OCA2: variants seen among roughly 807,000 people sequenced by gnomAD.
OCA2 encodes OCA2 melanosomal transmembrane protein, also known as P protein.
In OCA2, 77 loss-of-function variants were observed where a neutral mutation model predicts 100.2. That is an observed-to-expected ratio of 0.77 (90% CI 0.64 to 0.93). The LOEUF is 0.93. OCA2 is among the 40% of genes least tolerant of loss of function. The pLI is 0.00. For synonymous variants in OCA2, 432 were observed against 439.2 expected, an observed-to-expected ratio of 0.98 and a Z score of 0.21; for missense variants, 1,062 against 1,089.1, an observed-to-expected ratio of 0.98 and a Z score of 0.35.
chr15:27,743,196 C>A, the OCA2 span, among the ~76,000 whole-genome samples: 1 of 152,150 alleles, frequency 6.6e-6, no homozygotes, highest in African/African-American at 2.4e-5. Context: ...GGCTGCCCGG[C>A]CACCCAGGGC....
At chr15:27,778,984 T>C (rs1336915846) in intron 23 of OCA2, among the ~76,000 whole-genome samples, 1 of 152,236 alleles carries the variant, frequency 6.6e-6, no homozygotes, top group Non-Finnish European at 1.5e-5. Flanking sequence ...TATCCCTTCA[T>C]TATGGAAGAG....
chr15:28,057,187 GACTTT>G (rs1302766635), intron 2 of OCA2, among the ~76,000 whole-genome samples: 1 of 152,202 alleles, frequency 6.6e-6, no homozygotes, highest in Non-Finnish European at 1.5e-5. Context: ...AATGCATTTA[GACTTT>G]ACATTTTATG....
intron 19 of OCA2, among the ~76,000 whole-genome samples, chr15:27,890,657 G>T (rs1567067151): frequency 6.6e-6 from 1 of 152,112 alleles, no homozygotes; most frequent in Non-Finnish European, 1.5e-5. Context: ...CTCAGATAAA[G>T]AAAAAGAATT....
At chr15:28,070,270 G>C (rs1331109389) in intron 2 of OCA2, among the ~76,000 whole-genome samples, 64 of 138,984 alleles carry the variant, frequency 4.6e-4, no homozygotes, top group African/African-American at 8.4e-4. Flanking sequence ...GGGAAGTGAG[G>C]AGCGTCTCCG....
chr15:27,841,921 G>A (rs538341685), intron 23 of OCA2, among the ~76,000 whole-genome samples: 6 of 152,330 alleles, frequency 3.9e-5, no homozygotes, highest in African/African-American at 1.2e-4. Flanking sequence ...AATAAAATGC[G>A]TGGAGAGCAA....
chr15:27,800,180 A>G (rs969344799), intron 23 of OCA2, among the ~76,000 whole-genome samples: 2 of 152,248 alleles, frequency 1.3e-5, no homozygotes, highest in Non-Finnish European at 2.9e-5. Flanking sequence ...AACACAACTT[A>G]TCAGAATTTG....
At position 27,851,344 on chromosome 15, in the gene OCA2, C is replaced by A. The variant is rs370987760; in HGVS notation, c.2338+38G>T. On this transcript the variant is annotated intron_variant, in intron 22 of 23. Coordinates refer to ENST00000354638, the MANE Select transcript of OCA2 (RefSeq NM_000275.3). ...GCTTTGGGCTGAACCACAGTGTGGG[C>A]GTGCACCCCCACCCCCATGCAGTCA... 10 of 1,507,480 alleles carry A rather than the reference C, an allele frequency of 6.6e-6. No homozygotes were observed. The African/African-American group carries it at 8.3e-5, about 12-fold the overall frequency. The allele number at this position is 1,507,480 out of a possible 1,614,324, so 93.4% of individuals were successfully genotyped here. A position where few individuals can be genotyped will look rare whatever the true frequency, so the allele number is the denominator to read the frequency against.
chr15:27,974,986 C>T (rs776079005), intron 14 of OCA2, among the ~76,000 whole-genome samples: 1 of 152,188 alleles, frequency 6.6e-6, no homozygotes, highest in Non-Finnish European at 1.5e-5. Flanking sequence ...ACCTGGATAT[C>T]TTAAAAAGGC....
At chr15:27,897,651 G>T (rs2037761567) in intron 19 of OCA2, among the ~76,000 whole-genome samples, 1 of 152,214 alleles carries the variant, frequency 6.6e-6, no homozygotes, top group Non-Finnish European at 1.5e-5. Context: ...CCTCTGCTAG[G>T]ACAGTGCAGC....
intron 17 of OCA2, among the ~76,000 whole-genome samples, chr15:27,953,112 G>A (rs2040091167): frequency 6.6e-6 from 1 of 152,202 alleles, no homozygotes; most frequent in Non-Finnish European, 1.5e-5. Flanking sequence ...CATGGATGCA[G>A]GTGGATCTCG....
intron 1 of OCA2, among the ~76,000 whole-genome samples, chr15:28,091,201 C>T (rs2044864429): frequency 6.6e-6 from 1 of 152,146 alleles, no homozygotes; most frequent in Non-Finnish European, 1.5e-5. Context: ...TGAATTTTTA[C>T]AGAAGAAATC....
At chr15:27,768,367 C>T (rs1426614072) in intron 23 of OCA2, among the ~76,000 whole-genome samples, 3 of 152,144 alleles carry the variant, frequency 2.0e-5, no homozygotes, top group African/African-American at 7.2e-5. Flanking sequence ...AGTCACACGC[C>T]GTCACTCCTC....
downstream of OCA2, among the ~76,000 whole-genome samples, chr15:27,752,800 A>C (rs1019894129): frequency 0.13 from 9,011 of 68,422 alleles, 6 homozygotes; most frequent in Non-Finnish European, 0.18. Flanking sequence ...CTGGTCCCCC[A>C]CCCCCCCCCC....
At chr15:28,007,206 C>T (rs887471037) in intron 9 of OCA2, among the ~76,000 whole-genome samples, 15 of 152,188 alleles carry the variant, frequency 9.9e-5, no homozygotes, top group African/African-American at 3.6e-4. Context: ...GGATGGAAGA[C>T]ATATGGAGAA....
Position 27,770,850 on chromosome 15 carries a change from CT to C in OCA2, c.2433-15379del, listed in dbSNP as rs1566948988. 2.2e-3 allele frequency among the ~76,000 whole-genome samples: 225 copies of C among 101,466 alleles called. 1 individual carries two copies. The highest frequency in any genetic ancestry group is 0.012 in the African/African-American group (200 of 16,590). 66.6% of individuals were successfully genotyped at this position (101,466 alleles called of 152,430 possible). A position where few individuals can be genotyped will look rare whatever the true frequency, so the allele number is the denominator to read the frequency against. ...TCTTCCTTCCTCCCTCTTTTCCTTC[CT>C]TCCTTTCTTCCTTCCTTCCCTCCTT... On this transcript the variant is annotated intron_variant, in intron 23 of 23. Coordinates refer to ENST00000354638, the MANE Select transcript of OCA2 (RefSeq NM_000275.3).
intron 23 of OCA2, among the ~76,000 whole-genome samples, chr15:27,825,185 G>A (rs1031756974): frequency 6.6e-6 from 1 of 152,128 alleles, no homozygotes; most frequent in Non-Finnish European, 1.5e-5. Flanking sequence ...GCCTCCTCCA[G>A]CCACGTGGCC....
chr15:27,908,106 T>G (rs2038246386), intron 19 of OCA2, among the ~76,000 whole-genome samples: 1 of 152,174 alleles, frequency 6.6e-6, no homozygotes, highest in Non-Finnish European at 1.5e-5. Context: ...TATCATGAAT[T>G]ACTAATAAAT....
intron 23 of OCA2, among the ~76,000 whole-genome samples, chr15:27,806,193 G>A (rs1418511211): frequency 1.3e-5 from 2 of 152,224 alleles, no homozygotes; most frequent in Admixed American, 6.5e-5. Context: ...GGGAGCAGAG[G>A]GCTGACTTCC....
chr15:27,989,295 GTTTA>G (rs2041466041), intron 11 of OCA2, among the ~76,000 whole-genome samples: 1 of 148,148 alleles, frequency 6.8e-6, no homozygotes, highest in Admixed American at 6.8e-5. Context: ...CTCCTACATG[GTTTA>G]TTTATTTGGG....
Sources: allele counts gnomAD v4.1 joint callset (sites outside exome capture counted in the v4.1 genomes callset), GRCh38; gene constraint gnomAD v4.1.1; transcripts MANE v1.5; gene names NCBI Gene and HGNC (gene_info 2026-07-23, HGNC 2026-07-21).